Variants in ETV6 observed in about 807,000 individuals in gnomAD.
ETV6 encodes the protein transcription factor ETV6.
In ETV6, 16 loss-of-function variants were observed where a neutral mutation model predicts 51.1. That is an observed-to-expected ratio of 0.31 (90% CI 0.21 to 0.48). The LOEUF is 0.48. ETV6 is among the 20% of genes least tolerant of loss of function. The probability of loss-of-function intolerance (pLI) is 0.99; values close to 1 mark genes in which losing one functional copy is unlikely to be tolerated. For synonymous variants in ETV6, 240 were observed against 224.1 expected, an observed-to-expected ratio of 1.07 and a Z score of -0.64; for missense variants, 458 against 594.8, an observed-to-expected ratio of 0.77 and a Z score of 2.39.
At chr12:11,688,546 G>A (rs1864681670) in intron 1 of ETV6, among the ~76,000 whole-genome samples, 2 of 152,330 alleles carry the variant, frequency 1.3e-5, no homozygotes, top group South Asian at 4.1e-4. Context: ...GATAAGCTGG[G>A]CTTCCCAGCA....
At chr12:11,665,351 G>T (rs1864174656) in intron 1 of ETV6, among the ~76,000 whole-genome samples, 1 of 152,190 alleles carries the variant, frequency 6.6e-6, no homozygotes, top group East Asian at 1.9e-4. Context: ...TTTCTGCCTG[G>T]CAGCCAATTT....
In ETV6 at chr12:11,869,371, C is replaced by T. The variant is rs559220467; in HGVS notation, c.464-53C>T. On this transcript the variant is annotated intron_variant, in intron 4 of 7. Coordinates refer to ENST00000396373, the MANE Select transcript of ETV6 (RefSeq NM_001987.5). This position sits in a 1 kb window ranked among gnomAD's most constrained non-coding sequence, Gnocchi z 5.0. ...CCGCCTGTAGAGCCGCAGGGAGTTT[C>T]CTGTCCTGCCAACTCACTGGGGTCT... 3.4e-5 allele frequency: 52 copies of T among 1,527,740 alleles called. 2 individuals carry two copies. The highest frequency in any genetic ancestry group is 1.2e-4 in the South Asian group (10 of 80,788). 94.6% of individuals were successfully genotyped at this position (1,527,740 alleles called of 1,614,324 possible). A position where few individuals can be genotyped will look rare whatever the true frequency, so the allele number is the denominator to read the frequency against.
At chr12:11,768,447 G>A (rs1945195060) in intron 2 of ETV6, among the ~76,000 whole-genome samples, 2 of 152,094 alleles carry the variant, frequency 1.3e-5, no homozygotes, top group Admixed American at 1.3e-4. Context: ...TAAGTAATTG[G>A]GTCAAGGCCA....
chr12:11,873,452 C>T (rs1203455062), intron 5 of ETV6, among the ~76,000 whole-genome samples: 2 of 152,080 alleles, frequency 1.3e-5, no homozygotes, highest in Non-Finnish European at 2.9e-5. Flanking sequence ...AACTGAATAG[C>T]CATAAAAAGC....
At chr12:11,854,935 C>T (rs550101990) in intron 4 of ETV6, among the ~76,000 whole-genome samples, 1 of 152,104 alleles carries the variant, frequency 6.6e-6, no homozygotes, top group East Asian at 1.9e-4. Context: ...AGCAAAAGAC[C>T]AGAATTTAAT....
At chr12:11,856,847 A>G (rs1185105411) in intron 4 of ETV6, among the ~76,000 whole-genome samples, 1 of 152,256 alleles carries the variant, frequency 6.6e-6, no homozygotes, top group Non-Finnish European at 1.5e-5. Flanking sequence ...GAAATTATAC[A>G]TATCAAATAT....
intron 1 of ETV6, among the ~76,000 whole-genome samples, chr12:11,702,690 A>C (rs2187642): frequency 0.5 from 75,336 of 151,962 alleles, 22,124 homozygotes; most frequent in Middle Eastern, 0.67. Context: ...AGTGGTCCAT[A>C]GAACCTTGGC....
At chr12:11,691,715 C>T (rs1565488079) in intron 1 of ETV6, among the ~76,000 whole-genome samples, 1 of 152,154 alleles carries the variant, frequency 6.6e-6, no homozygotes, top group Admixed American at 6.5e-5. Flanking sequence ...CATCATGAGC[C>T]GATTATACAC....
At chr12:11,659,469 C>G (rs1306817994) in intron 1 of ETV6, among the ~76,000 whole-genome samples, 2 of 152,126 alleles carry the variant, frequency 1.3e-5, no homozygotes, top group Admixed American at 1.3e-4. Flanking sequence ...TGATCTTCTC[C>G]TGGAAACCAC....
chr12:11,871,379 A>AAAAT (rs1946879484), intron 5 of ETV6, among the ~76,000 whole-genome samples: 1 of 151,784 alleles, frequency 6.6e-6, no homozygotes. Flanking sequence ...TTTAGTAGAG[A>AAAAT]CGGGGTTTCA....
intron 1 of ETV6, among the ~76,000 whole-genome samples, chr12:11,711,152 A>G (rs891763704): frequency 6.6e-6 from 1 of 152,178 alleles, no homozygotes; most frequent in Non-Finnish European, 1.5e-5. Flanking sequence ...ATTCTTTGGG[A>G]GCTCTGGGTG....
At position 11,764,230 on chromosome 12, in the gene ETV6, G is replaced by T. The variant is rs1945131171; in HGVS notation, c.163+11651G>T. Among the ~76,000 whole-genome samples, 6 of 151,186 alleles carry T rather than the reference G, an allele frequency of 4.0e-5. No individual in the cohort carries two copies. The South Asian group carries it at 1.3e-3, about 32-fold the overall frequency. On this transcript the variant is annotated intron_variant, in intron 2 of 7. Transcript: ENST00000396373. Reference sequence around the variant, plus strand: ...AAGGACCGTGGCCAGCACGGAGTGGGTAGAGTTGGAAATAAGCACTATAAT... The same window carrying T: ...AAGGACCGTGGCCAGCACGGAGTGGTTAGAGTTGGAAATAAGCACTATAAT...
chr12:11,657,631 G>T (rs1864024938), intron 1 of ETV6, among the ~76,000 whole-genome samples: 1 of 152,194 alleles, frequency 6.6e-6, no homozygotes, highest in South Asian at 2.1e-4. Context: ...AAGTTCTTGA[G>T]GCCTGATGGC....
At chr12:11,799,762 T>C (rs1204246872) in intron 2 of ETV6, among the ~76,000 whole-genome samples, 1 of 152,136 alleles carries the variant, frequency 6.6e-6, no homozygotes, top group Non-Finnish European at 1.5e-5. Flanking sequence ...TGTGCGTGTG[T>C]GTGTTTTATT....
chr12:11,814,359 A>T (rs2855732), intron 2 of ETV6, among the ~76,000 whole-genome samples: 71,822 of 151,194 alleles, frequency 0.48, 16,958 homozygotes, highest in East Asian at 0.52. Flanking sequence ...GTAAAAAAAA[A>T]TTTTTTTTTT....
intron 5 of ETV6, among the ~76,000 whole-genome samples, chr12:11,874,465 CACACACACGTGTATGTGCGTGTGT>C (rs1946934695): frequency 2.3e-5 from 3 of 131,428 alleles, no homozygotes; most frequent in African/African-American, 8.6e-5. Context: ...TGTATATATA[CACACACACGTGTATGTGCGTGTGT>C]ACACACATAT....
intron 1 of ETV6, among the ~76,000 whole-genome samples, chr12:11,729,500 C>A (rs1298726511): frequency 6.6e-6 from 1 of 152,066 alleles, no homozygotes; most frequent in Non-Finnish European, 1.5e-5. Flanking sequence ...GAGGGTTGCT[C>A]CCTAAGTCAA....
At chr12:11,745,239 G>A (rs1737149466) in intron 1 of ETV6, among the ~76,000 whole-genome samples, 1 of 152,226 alleles carries the variant, frequency 6.6e-6, no homozygotes, top group South Asian at 2.1e-4. Flanking sequence ...GCATCTTGCA[G>A]TTATACGGAA....
At chr12:11,804,496 G>A (rs1024341475) in intron 2 of ETV6, among the ~76,000 whole-genome samples, 4 of 91,898 alleles carry the variant, frequency 4.4e-5, no homozygotes, top group East Asian at 3.1e-4. Flanking sequence ...GAACACACAA[G>A]TTTATGTTCT....
Sources: allele counts gnomAD v4.1 joint callset (sites outside exome capture counted in the v4.1 genomes callset), GRCh38; gene constraint gnomAD v4.1.1; non-coding constraint Gnocchi (gnomAD v3.1); transcripts MANE v1.5; gene names NCBI Gene and HGNC (gene_info 2026-07-23, HGNC 2026-07-21).